Variants in RNF213 observed in about 807,000 individuals in gnomAD.
RNF213 encodes the protein E3 ubiquitin-protein ligase RNF213.
RNF213 carries 341 observed loss-of-function variants against 514.4 expected under a neutral mutation model. That is an observed-to-expected ratio of 0.66 (90% CI 0.61 to 0.73). RNF213 has a LOEUF of 0.73. RNF213 is among the 30% of genes least tolerant of loss of function. RNF213 has a pLI of 0.00. For missense variants in RNF213, 5,767 were observed against 6,615.6 expected, an observed-to-expected ratio of 0.87 and a Z score of 4.45; for synonymous variants, 2,655 against 2,658.2, an observed-to-expected ratio of 1.00 and a Z score of 0.04.
At chr17:80,274,858 T>G (rs1598895291) in intron 3 of RNF213, among the ~76,000 whole-genome samples, 1 of 56,764 alleles carries the variant, frequency 1.8e-5, no homozygotes. Context: ...GGGGTGTGTG[T>G]TGGGGGGTGT....
rs1406612761 is a variant in RNF213 at position 80,327,916 on chromosome 17, T to C, written c.3294T>C (p.Ser1098=). Reference sequence around the variant, plus strand: ...CGAAAGTTGTTGGTGACCTCCTAAGTGGCACGATTTTAGTTGGACAACTGG... The same window carrying C: ...CGAAAGTTGTTGGTGACCTCCTAAGCGGCACGATTTTAGTTGGACAACTGG... The part of the protein sequence containing the change: ...VLTKVVGDLL[S]GTILVGQLEL... The change falls in exon 19 of 68, where the codon AGT becomes AGC. Residue 1098 remains serine (S), a synonymous_variant. Transcript: ENST00000582970. The C allele has an allele frequency of 3.9e-6, 6 of 1,537,124 alleles. No homozygotes were observed. The highest frequency in any genetic ancestry group is 3.9e-5 in the Admixed American group (2 of 50,976).
intron 3 of RNF213, among the ~76,000 whole-genome samples, chr17:80,276,157 A>G (rs953757162): frequency 1.3e-5 from 2 of 151,336 alleles, no homozygotes; most frequent in Non-Finnish European, 2.9e-5. Flanking sequence ...CTAGGGTGCA[A>G]TGGCGTGACC....
At chr17:80,370,262 T>A (rs1284210459) in intron 46 of RNF213, among the ~76,000 whole-genome samples, 1 of 152,200 alleles carries the variant, frequency 6.6e-6, no homozygotes, top group Non-Finnish European at 1.5e-5. Flanking sequence ...AAGTTTCTAT[T>A]CCCCTGAACA....
intron 36 of RNF213, chr17:80,354,989 C>T: frequency 2.8e-6 from 1 of 355,588 alleles, no homozygotes; most frequent in Non-Finnish European, 5.5e-6. Context: ...ACAGCAAAAC[C>T]AGGACCCAGC....
At position 80,389,270 on chromosome 17, in the gene RNF213, G is replaced by T. The variant is rs770322227; in HGVS notation, c.15098G>T (p.Gly5033Val). 1.2e-6 allele frequency: 2 copies of T among 1,614,076 alleles called. No homozygotes were observed. The highest frequency in any genetic ancestry group is 2.7e-5 in the African/African-American group (2 of 74,924). The change falls in exon 65 of 68, where the codon GGG (glycine) becomes GTG (valine). Residue 5033 changes from glycine (G) to valine (V), a missense_variant. Transcript: ENST00000582970. ...CTGTCTGTCGTAGAAGTCACTCTGG[G>T]GTTTCTGAGCACAGCTGGTGGGGAT... ...EVLSVVEVTL[G>V]FLSTAGGDPN... is the part of the protein sequence containing the mutation.
chr17:80,382,931 G>A (rs760852771), intron 57 of RNF213, 48 bp from the exon 58 acceptor site: 8 of 1,140,508 alleles, frequency 7.0e-6, no homozygotes, highest in Non-Finnish European at 1.1e-5. Flanking sequence ...GCAGACTGCT[G>A]TGTTCTTTGT....
In RNF213 at chr17:80,346,009, C is replaced by T. The variant is rs778787802; in HGVS notation, c.7674C>T (p.Ser2558=). ...AGGAGACGGCCGACAGGCTGGGCTC[C>T]ATTCCTCTGAGGCAGCTGGTATACC... ...SMEETADRLG[S]IPLRQLVYRV... Residue 2558 remains serine (S), a synonymous_variant, in exon 29 of 68, where the codon TCC becomes TCT. Transcript: ENST00000582970. This position sits in a 1 kb window ranked among gnomAD's most constrained non-coding sequence, Gnocchi z 8.1. The T allele has an allele frequency of 6.2e-7, 1 of 1,614,208 alleles. No individual in the cohort carries two copies. Among genetic ancestry groups the T allele is most frequent in the Non-Finnish European group, 8.5e-7 (1 of 1,180,032 alleles).
At chr17:80,323,925 G>A (rs565852800) in intron 17 of RNF213, among the ~76,000 whole-genome samples, 5 of 151,968 alleles carry the variant, frequency 3.3e-5, no homozygotes, top group East Asian at 1.9e-4. Context: ...TGCTCCATGC[G>A]TCTTGTATCC....
chr17:80,315,183 G>A (rs1367451630), intron 15 of RNF213, among the ~76,000 whole-genome samples: 1 of 19,386 alleles, frequency 5.2e-5, no homozygotes, highest in Non-Finnish European at 8.4e-5. Context: ...GATGGTGGTG[G>A]ACGTGATGGT....
Position 80,332,046 on chromosome 17 carries a change from C to T in RNF213, c.3558C>T (p.Leu1186=). The T allele has an allele frequency of 6.5e-7, 1 of 1,537,108 alleles. No homozygotes were observed. The highest frequency in any genetic ancestry group is 8.7e-7 in the Non-Finnish European group (1 of 1,146,916). ...TTGCAGTAAGACACTCACAAGACCT[C>T]AGCAGTAAAAGATTAAATGACACCG... ...GVLAVRHSQD[L]SSKRLNDTVT... Residue 1186 remains leucine (L), a synonymous_variant, in exon 21 of 68, where the codon CTC becomes CTT. Coordinates refer to ENST00000582970, the MANE Select transcript of RNF213 (RefSeq NM_001256071.3).
rs60020928 is a variant in RNF213 at position 80,323,834 on chromosome 17, TG to T, written c.3025-1187del. 6.3e-4 allele frequency among the ~76,000 whole-genome samples: 84 copies of T among 134,222 alleles called. 1 individual carries two copies. The South Asian group carries it at 0.013, about 21-fold the overall frequency. The allele number at this position is 134,222 out of a possible 152,430, so 88.1% of individuals were successfully genotyped here. A position where few individuals can be genotyped will look rare whatever the true frequency, so the allele number is the denominator to read the frequency against. On this transcript the variant is annotated intron_variant, in intron 17 of 67. Transcript: ENST00000582970. ...TGTTAAATTTCTAAGTACTTTTTTT[TG>T]GGGGGGGGTGCTATTGTAATTGGAA...
chr17:80,303,940 G>T (rs2045269832), intron 11 of RNF213, among the ~76,000 whole-genome samples: 1 of 149,084 alleles, frequency 6.7e-6, no homozygotes, highest in South Asian at 2.2e-4. Flanking sequence ...TATTAACTCA[G>T]CCCCTGATAA....
At position 80,353,171 on chromosome 17, in the gene RNF213, C is replaced by A. The variant is rs989738328; in HGVS notation, c.10423+112C>A. The A allele has an allele frequency of 6.9e-7, 1 of 1,449,318 alleles. No homozygotes were observed. Among genetic ancestry groups the A allele is most frequent in the South Asian group, 1.1e-5 (1 of 86,978 alleles). The allele number at this position is 1,449,318 out of a possible 1,614,324, so 89.8% of individuals were successfully genotyped here. On this transcript the variant is annotated intron_variant, in intron 33 of 67. Coordinates refer to ENST00000582970, the MANE Select transcript of RNF213 (RefSeq NM_001256071.3). The surrounding 1 kb of genome is among the most constrained non-coding windows in gnomAD (Gnocchi z 5.0). ...AGCAGGGCCACCGTGTTTCGTCCCT[C>A]GGCAGGAGCTCGGGGACACATCTGC...
intron 2 of RNF213, 82 bp from the exon 3 acceptor site, chr17:80,273,159 A>T: frequency 1.3e-6 from 2 of 1,554,784 alleles, no homozygotes; most frequent in Admixed American, 3.4e-5. Context: ...CTCTCCATGC[A>T]CTCGTGGGGA....
In RNF213 at chr17:80,360,161, C is replaced by T. The variant is rs921789881; in HGVS notation, c.11155C>T (p.Leu3719=). 5 of 1,613,888 alleles carry T rather than the reference C, an allele frequency of 3.1e-6. No individual in the cohort carries two copies. The African/African-American group carries it at 6.7e-5, about 22-fold the overall frequency. Residue 3719 remains leucine (L), a synonymous_variant, in exon 38 of 68, where the codon CTG becomes TTG. Coordinates refer to ENST00000582970, the MANE Select transcript of RNF213 (RefSeq NM_001256071.3). ...VPFSWKIKDY[L]EELWVQAQYI... ...TTTCAGCTGGAAAATCAAGGACTAT[C>T]TGGAGGAGCTGTGGGTCCAGGCTCA...
At chr17:80,313,327 G>T (rs571926706) in intron 15 of RNF213, among the ~76,000 whole-genome samples, 160 bp downstream of exon 15, 7 of 152,340 alleles carry the variant, frequency 4.6e-5, no homozygotes, top group Non-Finnish European at 7.3e-5. Flanking sequence ...TGTCTACCTG[G>T]CAGGGTGGCT....
chr17:80,375,435 G>A lies in RNF213; in HGVS notation c.13075-325G>A, dbSNP rs79445943. On this transcript the variant is annotated intron_variant, in intron 50 of 67. Coordinates refer to ENST00000582970, the MANE Select transcript of RNF213 (RefSeq NM_001256071.3). Reference sequence around the variant, plus strand: ...ATCTGGCAGGCAGCGGTGCGGGGGCGTCTATCCTATAATCCTAGCACTTTG... The same window carrying A: ...ATCTGGCAGGCAGCGGTGCGGGGGCATCTATCCTATAATCCTAGCACTTTG... Among the ~76,000 whole-genome samples, 132 of 152,028 alleles carry A rather than the reference G, an allele frequency of 8.7e-4. 3 individuals carry two copies. In the East Asian group the frequency reaches 0.022, roughly 26 times the overall value.
At chr17:80,304,436 C>T (rs1390357374) in intron 11 of RNF213, among the ~76,000 whole-genome samples, 2 of 152,016 alleles carry the variant, frequency 1.3e-5, no homozygotes, top group Non-Finnish European at 2.9e-5. Context: ...GTCAGGAGAT[C>T]GAGACAAGCC....
chr17:80,364,278 G>T (rs1302750095), intron 41 of RNF213, among the ~76,000 whole-genome samples, 155 bp from the exon 42 acceptor site: 1 of 152,166 alleles, frequency 6.6e-6, no homozygotes. Context: ...CTGGGGGCGG[G>T]CCAGGAAGTA....
Sources: allele counts gnomAD v4.1 joint callset (sites outside exome capture counted in the v4.1 genomes callset), GRCh38; gene constraint gnomAD v4.1.1; non-coding constraint Gnocchi (gnomAD v3.1); transcripts MANE v1.5; gene names NCBI Gene and HGNC (gene_info 2026-07-23, HGNC 2026-07-21).